DGKI: variants seen among roughly 807,000 people sequenced by gnomAD.
DGKI encodes DAG kinase iota.
A neutral mutation model predicts 147.5 loss-of-function variants in DGKI; 55 were observed. The ratio of observed to expected loss-of-function variants is 0.37; its 90% CI spans 0.30 to 0.47. The LOEUF is 0.47. Among genes scored for constraint, DGKI ranks in the 20% least tolerant of loss-of-function variants. The pLI, the probability that DGKI is intolerant of heterozygous loss-of-function variation, is 1.00. For synonymous variants in DGKI, 469 were observed against 477.1 expected (o/e 0.98, Z 0.22); for missense variants, 1,007 against 1,323.8 (o/e 0.76, Z 3.71).
rs1811082557 is a variant in DGKI at position 137,382,479 on chromosome 7, ACCCT to A, written c.*8737_*8740del. 6.6e-6 allele frequency: 1 copy of A among 152,064 alleles called. No homozygotes were observed. Among genetic ancestry groups the A allele is most frequent in the Non-Finnish European group, 1.5e-5 (1 of 67,982 alleles). The allele number at this position is 152,064 out of a possible 1,614,324, so 9.4% of individuals were successfully genotyped here. A position where few individuals can be genotyped will look rare whatever the true frequency, so the allele number is the denominator to read the frequency against. On this transcript the variant is annotated 3_prime_UTR_variant, in exon 33 of 33. Transcript: ENST00000614521. ...CATTAAAAAGTTCTTCTATTAGCTG[ACCCT>A]ACTTCCCCCAAGTTCCACACACAAT...
At chr7:137,472,354 G>A (rs1394888447) in intron 23 of DGKI, among the ~76,000 whole-genome samples, 12 of 6,096 alleles carry the variant, frequency 2.0e-3, no homozygotes, top group African/African-American at 6.6e-3. Flanking sequence ...ATTATTATAT[G>A]TATATATACA....
At chr7:137,662,393 G>A (rs900581210) in intron 3 of DGKI, among the ~76,000 whole-genome samples, 65 of 151,940 alleles carry the variant, frequency 4.3e-4, no homozygotes, top group Admixed American at 2.6e-3. Flanking sequence ...ACAGGTGCCC[G>A]CCACCACGCC....
At chr7:137,692,370 G>C (rs868444187) in intron 1 of DGKI, among the ~76,000 whole-genome samples, 54 of 152,122 alleles carry the variant, frequency 3.5e-4, no homozygotes, top group African/African-American at 1.1e-3. Flanking sequence ...CCACACCCAA[G>C]TGCAAACTCT....
intron 28 of DGKI, among the ~76,000 whole-genome samples, chr7:137,422,237 C>A (rs976021843): frequency 9.9e-5 from 15 of 152,194 alleles, no homozygotes; most frequent in Non-Finnish European, 2.1e-4. Context: ...GACTCACACT[C>A]TTCCAGAATC....
At chr7:137,428,635 T>C (rs1390741737) in intron 28 of DGKI, among the ~76,000 whole-genome samples, 2 of 152,112 alleles carry the variant, frequency 1.3e-5, no homozygotes, top group Non-Finnish European at 2.9e-5. Flanking sequence ...GATGACATGA[T>C]TGTATATCTA....
At chr7:137,663,769 A>T (rs1297413216) in intron 3 of DGKI, among the ~76,000 whole-genome samples, 2 of 152,202 alleles carry the variant, frequency 1.3e-5, no homozygotes, top group Non-Finnish European at 1.5e-5. Context: ...TTACAGAGTT[A>T]CAGAGAGGTG....
chr7:137,503,534 T>A (rs1175051776), intron 21 of DGKI, among the ~76,000 whole-genome samples: 4 of 152,200 alleles, frequency 2.6e-5, no homozygotes, highest in Admixed American at 2.0e-4. Flanking sequence ...TGTGTTTACT[T>A]AACAGTATTA....
At chr7:137,702,240 T>C (rs565503714) in intron 1 of DGKI, among the ~76,000 whole-genome samples, 35 of 152,282 alleles carry the variant, frequency 2.3e-4, no homozygotes, top group African/African-American at 8.2e-4. Context: ...GAGTTGGCAA[T>C]GATTTTTTTC....
At chr7:137,393,085 AAGG>A (rs1189652828) in intron 32 of DGKI, among the ~76,000 whole-genome samples, 1 of 152,152 alleles carries the variant, frequency 6.6e-6, no homozygotes, top group African/African-American at 2.4e-5. Flanking sequence ...TCTACATGTG[AAGG>A]GGGATCATTA....
chr7:137,758,729 A>T (rs1795763175), intron 1 of DGKI, among the ~76,000 whole-genome samples: 2 of 151,832 alleles, frequency 1.3e-5, no homozygotes, highest in Admixed American at 1.3e-4. Flanking sequence ...TATATATCTC[A>T]GTCTGACGTA....
chr7:137,417,766 G>C (rs1247761274), intron 28 of DGKI, among the ~76,000 whole-genome samples: 1 of 152,192 alleles, frequency 6.6e-6, no homozygotes, highest in African/African-American at 2.4e-5. Context: ...CCTTCTAAAA[G>C]AGCCTTGAGA....
intron 1 of DGKI, among the ~76,000 whole-genome samples, chr7:137,812,233 T>C (rs1293056121): frequency 6.6e-6 from 1 of 152,222 alleles, no homozygotes; most frequent in East Asian, 1.9e-4. Flanking sequence ...TGAGTTGCAG[T>C]TTCCTCAACT....
chr7:137,456,405 T>C (rs1213577491), intron 27 of DGKI, among the ~76,000 whole-genome samples: 6 of 152,300 alleles, frequency 3.9e-5, no homozygotes, highest in Non-Finnish European at 5.9e-5. Context: ...TTTATTTTGG[T>C]TTGACAAAGC....
Position 137,609,023 on chromosome 7 carries a change from A to G in DGKI, c.1110T>C (p.Ser370=), listed in dbSNP as rs1363654837. Residue 370 remains serine, a synonymous_variant, in exon 10 of 33, where the codon TCT becomes TCC. Transcript: ENST00000614521. ...CAAGCAAGGGTTTCATGAGAGGAGA[A>G]GAGATGGGTTTTATCACAAAAGGAC... ...KGRPFVIKPI[S]SPLMKPLLVF... is the part of the protein sequence containing the mutation. 9.9e-6 allele frequency: 16 copies of G among 1,613,836 alleles called. No individual in the cohort carries two copies. Among genetic ancestry groups the G allele is most frequent in the Non-Finnish European group, 1.4e-5 (16 of 1,179,764 alleles).
intron 26 of DGKI, among the ~76,000 whole-genome samples, chr7:137,464,700 C>G (rs967780008): frequency 2.6e-5 from 4 of 152,038 alleles, no homozygotes; most frequent in Non-Finnish European, 4.4e-5. Context: ...GGAAACCACC[C>G]ACAAATAGCA....
At chr7:137,483,227 A>G (rs1451540258) in intron 23 of DGKI, among the ~76,000 whole-genome samples, 1 of 152,114 alleles carries the variant, frequency 6.6e-6, no homozygotes, top group Admixed American at 6.6e-5. Flanking sequence ...CACACCAAAA[A>G]TGACTACATC....
chr7:137,532,384 C>T (rs60004387), intron 20 of DGKI, among the ~76,000 whole-genome samples: 3,080 of 152,248 alleles, frequency 0.02, 89 homozygotes, highest in African/African-American at 0.071. Context: ...TAGCCCTTCA[C>T]ATAAAACATT....
intron 1 of DGKI, among the ~76,000 whole-genome samples, chr7:137,699,781 C>T (rs547097858): frequency 7.9e-5 from 12 of 152,178 alleles, no homozygotes; most frequent in Admixed American, 5.9e-4. Flanking sequence ...ACACTTGGTC[C>T]CTTCCCCCTT....
intron 5 of DGKI, among the ~76,000 whole-genome samples, chr7:137,648,767 A>G (rs1377412220): frequency 6.6e-6 from 1 of 152,230 alleles, no homozygotes; most frequent in African/African-American, 2.4e-5. Flanking sequence ...AAGCAAAATC[A>G]TGGATAAGAG....
Sources: gnomAD v4.1 joint callset for allele counts (sites outside exome capture counted in the v4.1 genomes callset) on GRCh38, gnomAD v4.1.1 for gene constraint, MANE v1.5 for transcripts, NCBI Gene and HGNC (gene_info 2026-07-23, HGNC 2026-07-21) for gene names.